The following KIAA0825 variants were observed in gnomAD, a reference collection of about 807,000 sequenced individuals.
KIAA0825 encodes uncharacterized protein KIAA0825.
A neutral mutation model predicts 147.6 loss-of-function variants in KIAA0825; 119 were observed. The ratio of observed to expected loss-of-function variants is 0.81; its 90% CI spans 0.69 to 0.94. The LOEUF (loss-of-function observed/expected upper bound fraction) is 0.94. Ranked by LOEUF, KIAA0825 falls within the 40% of genes least tolerant of loss-of-function variation. The pLI, the probability that KIAA0825 is intolerant of heterozygous loss-of-function variation, is 0.00. For synonymous variants in KIAA0825, 470 were observed against 518.1 expected, an observed-to-expected ratio of 0.91 and a Z score of 1.26; for missense variants, 1,381 against 1,472.7, an observed-to-expected ratio of 0.94 and a Z score of 1.02.
At chr5:94,431,923 G>A (rs1755724936) in intron 14 of KIAA0825, among the ~76,000 whole-genome samples, 1 of 152,170 alleles carries the variant, frequency 6.6e-6, no homozygotes, top group African/African-American at 2.4e-5. Context: ...GCATGCAGGG[G>A]ATTGTTGGTG....
chr5:94,373,846 G>A (rs1747117657), intron 20 of KIAA0825, among the ~76,000 whole-genome samples: 1 of 152,000 alleles, frequency 6.6e-6, no homozygotes, highest in Non-Finnish European at 1.5e-5. Flanking sequence ...TCTCATAATT[G>A]TCACAGTAAA....
At chr5:94,380,496 A>T (rs1748248554) in intron 20 of KIAA0825, among the ~76,000 whole-genome samples, 1 of 152,272 alleles carries the variant, frequency 6.6e-6, no homozygotes, top group Non-Finnish European at 1.5e-5. Context: ...AAGGCAAACA[A>T]GGTGCTATTC....
At chr5:94,417,556 A>G (rs1284239406) in intron 14 of KIAA0825, among the ~76,000 whole-genome samples, 191 bp from the exon 15 acceptor site, 1 of 152,202 alleles carries the variant, frequency 6.6e-6, no homozygotes, top group African/African-American at 2.4e-5. Context: ...TGAGATATTC[A>G]TGGATATTTA....
chr5:94,436,872 A>AT (rs1756444755), intron 14 of KIAA0825, among the ~76,000 whole-genome samples: 1 of 152,030 alleles, frequency 6.6e-6, no homozygotes, highest in Non-Finnish European at 1.5e-5. Context: ...TATTTTATTC[A>AT]TTTTGTGGCA....
chr5:94,411,523 T>C lies in KIAA0825; in HGVS notation c.2662+5678A>G, dbSNP rs149866300. 1.6e-4 allele frequency among the ~76,000 whole-genome samples: 24 copies of C among 152,338 alleles called. No individual in the cohort carries two copies. In the South Asian group the frequency reaches 2.3e-3, roughly 14 times the overall value. ...AAGAACCTCAACATTTATCTCACTA[T>C]ACACAAAAATCCATCATAGAACTAA... On this transcript the variant is annotated intron_variant, in intron 15 of 20. Coordinates refer to ENST00000682413, the MANE Select transcript of KIAA0825 (RefSeq NM_001145678.3).
chr5:94,480,196 A>C (rs1222978407), intron 6 of KIAA0825, among the ~76,000 whole-genome samples: 1 of 152,084 alleles, frequency 6.6e-6, no homozygotes, highest in Non-Finnish European at 1.5e-5. Flanking sequence ...CTAACTGTCC[A>C]TCAATGAATA....
At chr5:94,173,360 A>G (rs1768805907) in intron 20 of KIAA0825, among the ~76,000 whole-genome samples, 1 of 152,132 alleles carries the variant, frequency 6.6e-6, no homozygotes, top group Non-Finnish European at 1.5e-5. Context: ...GGATGTCTGA[A>G]AGAGATTCAA....
At chr5:94,193,710 A>C (rs1171430945) in intron 20 of KIAA0825, among the ~76,000 whole-genome samples, 2 of 152,224 alleles carry the variant, frequency 1.3e-5, no homozygotes, top group African/African-American at 2.4e-5. Context: ...TCTTTAGATT[A>C]GAAAACTGAG....
At chr5:94,465,918 A>T (rs1001188967) in intron 10 of KIAA0825, among the ~76,000 whole-genome samples, 5 of 152,350 alleles carry the variant, frequency 3.3e-5, no homozygotes, top group African/African-American at 1.2e-4. Flanking sequence ...TCAGGGAGGT[A>T]TGCTAGTAGT....
chr5:94,568,361 A>G (rs935586145), intron 2 of KIAA0825: 2 of 155,374 alleles, frequency 1.3e-5, no homozygotes, highest in African/African-American at 4.8e-5. Context: ...AGCCCTATCT[A>G]TTACTCTCAT....
At chr5:94,184,595 TC>T in intron 20 of KIAA0825, among the ~76,000 whole-genome samples, 1 of 152,316 alleles carries the variant, frequency 6.6e-6, no homozygotes, top group South Asian at 2.1e-4. Context: ...CAACAAAACC[TC>T]CTATACTTTA....
chr5:94,510,584 A>T (rs1166615127), intron 5 of KIAA0825, among the ~76,000 whole-genome samples: 2 of 152,216 alleles, frequency 1.3e-5, no homozygotes, highest in Admixed American at 6.5e-5. Flanking sequence ...TTAGATCTCC[A>T]TTTAGATAGC....
At chr5:94,615,121 A>G (rs1585056327) in intron 1 of KIAA0825, among the ~76,000 whole-genome samples, 1 of 152,274 alleles carries the variant, frequency 6.6e-6, no homozygotes, top group East Asian at 1.9e-4. Context: ...TCCTATTGCA[A>G]AAACATGATT....
At chr5:94,345,844 C>T (rs1562399258) in intron 20 of KIAA0825, among the ~76,000 whole-genome samples, 1 of 152,118 alleles carries the variant, frequency 6.6e-6, no homozygotes, top group Non-Finnish European at 1.5e-5. Context: ...TGAGCAATTC[C>T]TGTCCCTCTT....
chr5:94,167,438 G>T (rs529476478), intron 20 of KIAA0825, among the ~76,000 whole-genome samples: 1 of 152,198 alleles, frequency 6.6e-6, no homozygotes, highest in Admixed American at 6.5e-5. Context: ...AATAGCAGGG[G>T]TTTTATAAGG....
At chr5:94,266,667 A>G (rs1776749719) in intron 20 of KIAA0825, among the ~76,000 whole-genome samples, 2 of 152,362 alleles carry the variant, frequency 1.3e-5, no homozygotes, top group South Asian at 4.1e-4. Context: ...GTTAAGCCAG[A>G]CATTAAAGAG....
At chr5:94,176,105 G>A (rs1326575701) in intron 20 of KIAA0825, among the ~76,000 whole-genome samples, 2 of 152,094 alleles carry the variant, frequency 1.3e-5, no homozygotes, top group African/African-American at 4.8e-5. Context: ...TGGGGGTAGG[G>A]CCTGTTGAGA....
At chr5:94,390,879 C>G (rs549491550) in intron 18 of KIAA0825, among the ~76,000 whole-genome samples, 24 of 152,170 alleles carry the variant, frequency 1.6e-4, no homozygotes, top group Non-Finnish European at 2.1e-4. Context: ...ATGCCACAAT[C>G]TAATTCAGAC....
intron 4 of KIAA0825, among the ~76,000 whole-genome samples, 168 bp downstream of exon 4, chr5:94,523,762 C>T (rs1768696257): frequency 6.6e-6 from 1 of 151,212 alleles, no homozygotes; most frequent in African/African-American, 2.4e-5. Context: ...AAAATTAAAA[C>T]AAATAGCTCA....
Sources: allele counts gnomAD v4.1 joint callset (sites outside exome capture counted in the v4.1 genomes callset), GRCh38; gene constraint gnomAD v4.1.1; transcripts MANE v1.5; gene names NCBI Gene and HGNC (gene_info 2026-07-23, HGNC 2026-07-21).